The following PPP2R5D variants were observed in gnomAD, a reference collection of about 807,000 sequenced individuals.
PPP2R5D encodes serine/threonine-protein phosphatase 2A 56 kDa regulatory subunit delta isoform.
PPP2R5D carries 12 observed loss-of-function variants against 79.1 expected under a neutral mutation model. That is an observed-to-expected ratio of 0.15 (90% CI 0.10 to 0.25). The LOEUF (loss-of-function observed/expected upper bound fraction) is 0.25, where lower values mean the gene tolerates loss of function less well. Among genes scored for constraint, PPP2R5D ranks in the 10% least tolerant of loss-of-function variants. The pLI is 1.00. For missense variants in PPP2R5D, 419 were observed against 760.2 expected, an observed-to-expected ratio of 0.55 and a Z score of 5.28; for synonymous variants, 277 against 286.6, an observed-to-expected ratio of 0.97 and a Z score of 0.34.
At position 43,008,518 on chromosome 6, in the gene PPP2R5D, A is replaced by G. The variant is rs1247884188; in HGVS notation, c.1026+43A>G. On this transcript the variant is annotated intron_variant, in intron 9 of 15. Transcript: ENST00000485511. The surrounding 1 kb of genome is among the most constrained non-coding windows in gnomAD (Gnocchi z 4.2). ...TTATAATGTCCAACTCAGGCAGCAG[A>G]GAAAAGAGCCGGCAGGAAAGTGTTC... is the stretch of plus-strand genomic sequence containing the variant. 7.1e-6 allele frequency: 11 copies of G among 1,559,450 alleles called. No homozygotes were observed.
In PPP2R5D at chr6:43,006,701, G is replaced by C; in HGVS notation, c.322+22G>C. On this transcript the variant is annotated intron_variant, in intron 3 of 15. Transcript: ENST00000485511. This position sits in a 1 kb window ranked among gnomAD's most constrained non-coding sequence, Gnocchi z 4.7. ...AAAGGTACTTGGCAATTGGTCACAG[G>C]GGCTGTTTTACCAGTTCTAGTGGGC... is the stretch of plus-strand genomic sequence containing the variant. The C allele has an allele frequency of 6.2e-7, 1 of 1,610,138 alleles. No homozygotes were observed. Among genetic ancestry groups the C allele is most frequent in the Non-Finnish European group, 8.5e-7 (1 of 1,177,366 alleles).
chr6:42,992,310 C>T (rs539402843), intron 2 of PPP2R5D, among the ~76,000 whole-genome samples: 28 of 152,106 alleles, frequency 1.8e-4, no homozygotes, highest in Non-Finnish European at 2.2e-4. Context: ...CCACCCGCCT[C>T]GGCCTCCCAA....
rs1762345148 is a variant in PPP2R5D, at chr6:43,011,352, A to G, written c.*66A>G. On this transcript the variant is annotated 3_prime_UTR_variant, in exon 16 of 16. Coordinates refer to ENST00000485511, the MANE Select transcript of PPP2R5D (RefSeq NM_006245.4). ...CTGGGACACTGCCCTGGCCCTCCAT[A>G]CTCTGCTCCCTACTGGCTGTCTTGG... 2 of 1,595,838 alleles carry G rather than the reference A, an allele frequency of 1.3e-6. No individual in the cohort carries two copies. The highest frequency in any genetic ancestry group is 1.7e-6 in the Non-Finnish European group (2 of 1,169,586).
chr6:42,993,130 C>G (rs1017028237), intron 2 of PPP2R5D, among the ~76,000 whole-genome samples: 25 of 151,966 alleles, frequency 1.6e-4, no homozygotes, highest in African/African-American at 5.8e-4. Flanking sequence ...AACCCTGTCT[C>G]TACTAAAAAT....
Position 43,010,787 on chromosome 6 carries a change from C to G in PPP2R5D, c.1554+51C>G, listed in dbSNP as rs1440999928. ...AACTGAGGGGCCAGCCCATCTTGAG[C>G]TGGGGGAGAGTTTGTTGGGGGAGGA... is the stretch of plus-strand genomic sequence containing the variant. On this transcript the variant is annotated intron_variant, in intron 14 of 15. Transcript: ENST00000485511. This position sits in a 1 kb window ranked among gnomAD's most constrained non-coding sequence, Gnocchi z 4.7. 6.2e-7 allele frequency: 1 copy of G among 1,608,142 alleles called. No homozygotes were observed. Among genetic ancestry groups the G allele is most frequent in the African/African-American group, 1.3e-5 (1 of 74,914 alleles).
rs201255567 is a variant in PPP2R5D at position 43,006,904 on chromosome 6, C to T, written c.323-7C>T. On this transcript the variant is annotated splice_polypyrimidine_tract_variant and splice_region_variant and intron_variant, in intron 3 of 15. Transcript: ENST00000485511. This position sits in a 1 kb window ranked among gnomAD's most constrained non-coding sequence, Gnocchi z 4.7. ...AGAGGAGAACCTGACTGCTGGGGCC[C>T]CCACAGATTCGCCAACCCAGGAGCG... The T allele has an allele frequency of 3.1e-6, 5 of 1,613,598 alleles. No homozygotes were observed. The African/African-American group carries it at 4.0e-5, about 13-fold the overall frequency.
chr6:42,996,558 C>T (rs913231980), intron 2 of PPP2R5D, among the ~76,000 whole-genome samples: 1 of 152,092 alleles, frequency 6.6e-6, no homozygotes, highest in South Asian at 2.1e-4. Context: ...TTCCCTAATT[C>T]TTCCAAGCAG....
rs1476722888 is a variant in PPP2R5D at position 43,006,330 on chromosome 6, A to G, written c.106-133A>G. 11 of 1,437,618 alleles carry G rather than the reference A, an allele frequency of 7.7e-6. No homozygotes were observed. The African/African-American group carries it at 1.4e-4, about 19-fold the overall frequency. The allele number at this position is 1,437,618 out of a possible 1,614,324, so 89.1% of individuals were successfully genotyped here. A position where few individuals can be genotyped will look rare whatever the true frequency, so the allele number is the denominator to read the frequency against. On this transcript the variant is annotated intron_variant, in intron 2 of 15. Transcript: ENST00000485511. This position sits in a 1 kb window ranked among gnomAD's most constrained non-coding sequence, Gnocchi z 4.7. ...CAGTTATCTCTGTAACCCTGGCCTT[A>G]GCTCCTTCGGGGCAGGAGACAGCTG... is the stretch of plus-strand genomic sequence containing the variant.
In PPP2R5D at chr6:42,989,615, C is replaced by A. The variant is rs1439101816; in HGVS notation, c.32C>A (p.Pro11His). 6.2e-7 allele frequency: 1 copy of A among 1,613,034 alleles called. No homozygotes were observed. Among genetic ancestry groups the A allele is most frequent in the Non-Finnish European group, 8.5e-7 (1 of 1,179,292 alleles). Residue 11 changes from proline to histidine, a missense_variant, in exon 2 of 16, where the codon CCC becomes CAC. Coordinates refer to ENST00000485511, the MANE Select transcript of PPP2R5D (RefSeq NM_006245.4). MPYKLKKEKE[P>H]PKVAKCTAKP... ...ACTTTCATCTTTTCCTTTCAGGAGCCCCCCAAGGTTGCCAAATGCACAGCC... is the reference window on the plus strand; with the variant it reads ...ACTTTCATCTTTTCCTTTCAGGAGCACCCCAAGGTTGCCAAATGCACAGCC...
At position 43,008,698 on chromosome 6, in the gene PPP2R5D, A is replaced by G. The variant is rs1319815041; in HGVS notation, c.1032A>G (p.Ala344=). The change falls in exon 10 of 16, where the codon GCA becomes GCG. Residue 344 remains alanine (A), a synonymous_variant. Coordinates refer to ENST00000485511, the MANE Select transcript of PPP2R5D (RefSeq NM_006245.4). This position sits in a 1 kb window ranked among gnomAD's most constrained non-coding sequence, Gnocchi z 4.2. ...TCTACCTCACACCTTTGCAGCTGGC[A>G]TACTGTGTGGTACAATTCCTGGAGA... ...KSLSVYHPQL[A]YCVVQFLEKE... The G allele has an allele frequency of 1.2e-6, 2 of 1,614,112 alleles. No homozygotes were observed. Among genetic ancestry groups the G allele is most frequent in the South Asian group, 1.1e-5 (1 of 91,072 alleles).
chr6:42,997,828 G>A (rs947085753), intron 2 of PPP2R5D, among the ~76,000 whole-genome samples: 1 of 151,186 alleles, frequency 6.6e-6, no homozygotes. Context: ...TTATAGGGGT[G>A]AGCCACCATG....
chr6:43,003,161 A>ACCT (rs1399485434), intron 2 of PPP2R5D, among the ~76,000 whole-genome samples: 1 of 152,128 alleles, frequency 6.6e-6, no homozygotes, highest in Non-Finnish European at 1.5e-5. Context: ...GGTGGCTCAC[A>ACCT]CCTGTAATCC....
intron 2 of PPP2R5D, among the ~76,000 whole-genome samples, chr6:42,996,582 G>C (rs918500483): frequency 2.0e-5 from 3 of 152,118 alleles, no homozygotes; most frequent in African/African-American, 7.2e-5. Context: ...TTACAGCTCA[G>C]CCTTCTCTGT....
rs988088142 is a variant in PPP2R5D, at chr6:43,008,529, G to A, written c.1026+54G>A. 98 of 1,539,694 alleles carry A rather than the reference G, an allele frequency of 6.4e-5. No homozygotes were observed. In the East Asian group the frequency reaches 7.9e-4, roughly 12 times the overall value. Reference sequence around the variant, plus strand: ...AACTCAGGCAGCAGAGAAAAGAGCCGGCAGGAAAGTGTTCCAGCTGGGATA... The same window carrying A: ...AACTCAGGCAGCAGAGAAAAGAGCCAGCAGGAAAGTGTTCCAGCTGGGATA... On this transcript the variant is annotated intron_variant, in intron 9 of 15. Coordinates refer to ENST00000485511, the MANE Select transcript of PPP2R5D (RefSeq NM_006245.4). The surrounding 1 kb of genome is among the most constrained non-coding windows in gnomAD (Gnocchi z 4.2).
At position 43,008,163 on chromosome 6, in the gene PPP2R5D, A is replaced by G. The variant is rs777754450; in HGVS notation, c.858-38A>G. ...GGACTGTACAGAATGCTGGAGGGAC[A>G]TCAGGGGTTGTCAAGAGAGCCATTT... On this transcript the variant is annotated intron_variant, in intron 7 of 15. Coordinates refer to ENST00000485511, the MANE Select transcript of PPP2R5D (RefSeq NM_006245.4). The surrounding 1 kb of genome is among the most constrained non-coding windows in gnomAD (Gnocchi z 4.2). The G allele has an allele frequency of 7.2e-5, 116 of 1,613,484 alleles. No homozygotes were observed. Among genetic ancestry groups the G allele is most frequent in the Non-Finnish European group, 8.9e-5 (105 of 1,179,896 alleles).
chr6:43,008,599 C>G lies in PPP2R5D; in HGVS notation c.1027-94C>G. The G allele has an allele frequency of 6.7e-7, 1 of 1,500,490 alleles. No homozygotes were observed. The highest frequency in any genetic ancestry group is 9.3e-7 in the Non-Finnish European group (1 of 1,079,538). 92.9% of individuals were successfully genotyped at this position (1,500,490 alleles called of 1,614,324 possible). On this transcript the variant is annotated intron_variant, in intron 9 of 15. Coordinates refer to ENST00000485511, the MANE Select transcript of PPP2R5D (RefSeq NM_006245.4). The surrounding 1 kb of genome is among the most constrained non-coding windows in gnomAD (Gnocchi z 4.2). ...GTGGGATAATTCCTTCCCTCCATCT[C>G]CCCTTCCCTTCTGGGATCTTGTTTC...
chr6:42,986,592 GTCCTT>G (rs1770870163), intron 1 of PPP2R5D, among the ~76,000 whole-genome samples: 1 of 152,036 alleles, frequency 6.6e-6, no homozygotes, highest in Non-Finnish European at 1.5e-5. Context: ...CCCAGGCCCT[GTCCTT>G]GGGGAGTGGG....
intron 2 of PPP2R5D, among the ~76,000 whole-genome samples, chr6:42,998,014 TTTATATATATATATATA>T (rs1771841672): frequency 2.2e-5 from 1 of 44,534 alleles, no homozygotes; most frequent in Non-Finnish European, 3.4e-5. Flanking sequence ...TTGGGTTTTA[TTTATATATATATATATA>T]TATATATATA....
In PPP2R5D at chr6:42,989,640, C is replaced by T. The variant is rs748170805; in HGVS notation, c.57C>T (p.Ala19=). 6.2e-7 allele frequency: 1 copy of T among 1,613,986 alleles called. No individual in the cohort carries two copies. The highest frequency in any genetic ancestry group is 1.7e-5 in the Admixed American group (1 of 60,006). ...KEPPKVAKCT[A]KPSSSGKDGG... is the part of the protein sequence containing the mutation. ...CCCCCAAGGTTGCCAAATGCACAGC[C>T]AAGCCTAGCAGCTCGGGCAAGGATG... is the stretch of plus-strand genomic sequence containing the variant. Residue 19 remains alanine, a synonymous_variant, in exon 2 of 16, where the codon GCC becomes GCT. Coordinates refer to ENST00000485511, the MANE Select transcript of PPP2R5D (RefSeq NM_006245.4).
Sources: allele counts gnomAD v4.1 joint callset (sites outside exome capture counted in the v4.1 genomes callset), GRCh38; gene constraint gnomAD v4.1.1; non-coding constraint Gnocchi (gnomAD v3.1); transcripts MANE v1.5; gene names NCBI Gene and HGNC (gene_info 2026-07-23, HGNC 2026-07-21).